SMYD3: variants seen among roughly 807,000 people sequenced by gnomAD.
The protein encoded by SMYD3 is SET and MYND domain containing 3.
SMYD3 carries 36 observed loss-of-function variants against 57.7 expected under a neutral mutation model. That is an observed-to-expected ratio of 0.62 (90% CI 0.48 to 0.82). The LOEUF (loss-of-function observed/expected upper bound fraction) is 0.82. SMYD3 is among the 40% of genes least tolerant of loss of function. The pLI is 0.00. For missense variants in SMYD3, 515 were observed against 538.8 expected (o/e 0.96, Z 0.44); for synonymous variants, 211 against 195.0 (o/e 1.08, Z -0.68).
At chr1:245,775,576 G>GAAGGCC (rs939841192) in intron 10 of SMYD3, among the ~76,000 whole-genome samples, 2 of 151,380 alleles carry the variant, frequency 1.3e-5, no homozygotes, top group African/African-American at 4.9e-5. Context: ...AAACACTGCG[G>GAAGGCC]AAGGCCGCAG....
chr1:246,364,750 T>C (rs1004915003), intron 1 of SMYD3, among the ~76,000 whole-genome samples: 2 of 152,176 alleles, frequency 1.3e-5, no homozygotes, highest in Non-Finnish European at 2.9e-5. Flanking sequence ...CACCCCCAAG[T>C]GCAGAACTCT....
chr1:246,125,510 T>C (rs12049042), intron 5 of SMYD3, among the ~76,000 whole-genome samples: 12,763 of 152,084 alleles, frequency 0.084, 1,101 homozygotes, highest in African/African-American at 0.21. Flanking sequence ...ATAGATAAAC[T>C]AAAGAGGAAT....
intron 7 of SMYD3, among the ~76,000 whole-genome samples, chr1:245,920,886 G>A (rs2055875802): frequency 6.6e-6 from 1 of 152,176 alleles, no homozygotes; most frequent in African/African-American, 2.4e-5. Context: ...CTTTCGGAAA[G>A]AACATATGAC....
At chr1:245,990,876 A>T (rs140851239) in intron 5 of SMYD3, among the ~76,000 whole-genome samples, 26 of 152,350 alleles carry the variant, frequency 1.7e-4, no homozygotes, top group Non-Finnish European at 3.5e-4. Flanking sequence ...ACAGAAAGTG[A>T]GTGCACTGAC....
intron 5 of SMYD3, chr1:246,321,588 C>T (rs908761418): frequency 6.6e-6 from 1 of 152,194 alleles, no homozygotes; most frequent in Non-Finnish European, 1.5e-5. Context: ...CAGTCTCAAA[C>T]TCCGGGGCTC....
At chr1:245,754,673 G>A (rs1018770680) in intron 11 of SMYD3, among the ~76,000 whole-genome samples, 1 of 152,196 alleles carries the variant, frequency 6.6e-6, no homozygotes, top group Non-Finnish European at 1.5e-5. Flanking sequence ...TCTACATCTT[G>A]GATAACTTCA....
intron 1 of SMYD3, among the ~76,000 whole-genome samples, chr1:246,427,779 A>T (rs1397688326): frequency 6.6e-6 from 1 of 152,098 alleles, no homozygotes; most frequent in Non-Finnish European, 1.5e-5. Flanking sequence ...GCTTGAGCCC[A>T]GGAGGTTGAG....
At chr1:246,063,332 TATTGGAGTTCA>T (rs373712343) in intron 5 of SMYD3, among the ~76,000 whole-genome samples, 44 of 152,254 alleles carry the variant, frequency 2.9e-4, no homozygotes, top group African/African-American at 1.0e-3. Context: ...CCAGGGTCTT[TATTGGAGTTCA>T]ATCGCCTGTA....
intron 10 of SMYD3, among the ~76,000 whole-genome samples, chr1:245,846,370 T>C (rs1340926235): frequency 6.6e-6 from 1 of 152,142 alleles, no homozygotes; most frequent in African/African-American, 2.4e-5. Flanking sequence ...TGTATTAAAA[T>C]TAGCATCACA....
chr1:246,066,447 AT>A (rs1011741183), intron 5 of SMYD3, among the ~76,000 whole-genome samples: 4 of 151,626 alleles, frequency 2.6e-5, no homozygotes, highest in South Asian at 2.1e-4. Context: ...TATTTTTCAA[AT>A]TTTTTTTTAC....
chr1:246,491,021 G>A (rs1409114547), intron 1 of SMYD3, among the ~76,000 whole-genome samples: 1 of 152,146 alleles, frequency 6.6e-6, no homozygotes, highest in East Asian at 1.9e-4. Flanking sequence ...GAAGAGGCAG[G>A]GTTCAAGATT....
intron 10 of SMYD3, among the ~76,000 whole-genome samples, chr1:245,802,291 G>A (rs1274343637): frequency 6.6e-6 from 1 of 152,176 alleles, no homozygotes; most frequent in East Asian, 1.9e-4. Context: ...CTCAGCAGGA[G>A]ACAACTGCTG....
At chr1:245,909,014 T>C (rs779667666) in intron 8 of SMYD3, among the ~76,000 whole-genome samples, 2 of 151,230 alleles carry the variant, frequency 1.3e-5, no homozygotes. Flanking sequence ...ATACAAAAGA[T>C]CAATGAAACA....
At chr1:246,017,583 ATGATGCTGAGTT>A (rs1407578799) in intron 5 of SMYD3, among the ~76,000 whole-genome samples, 1 of 152,184 alleles carries the variant, frequency 6.6e-6, no homozygotes, top group East Asian at 1.9e-4. Flanking sequence ...CATCACAGTC[ATGATGCTGAGTT>A]CTCATATCCT....
intron 11 of SMYD3, among the ~76,000 whole-genome samples, chr1:245,753,004 G>A (rs1206852870): frequency 2.6e-5 from 4 of 152,150 alleles, no homozygotes; most frequent in African/African-American, 7.2e-5. Context: ...AGGCTCTCCT[G>A]GACATGGCTG....
At chr1:245,814,928 G>C (rs1482005575) in intron 10 of SMYD3, among the ~76,000 whole-genome samples, 1 of 151,780 alleles carries the variant, frequency 6.6e-6, no homozygotes, top group Non-Finnish European at 1.5e-5. Flanking sequence ...AGGCTCCCAA[G>C]ACATCTTCCT....
intron 5 of SMYD3, among the ~76,000 whole-genome samples, chr1:246,127,906 G>GAAAAC (rs1352092888): frequency 2.0e-5 from 3 of 151,024 alleles, no homozygotes; most frequent in South Asian, 2.1e-4. Flanking sequence ...AAAAAGAAAA[G>GAAAAC]AAAAGAAAAG....
rs1480084642 is a variant in SMYD3, at chr1:245,769,469, T to G, written c.1077-5320A>C. Reference sequence around the variant, plus strand: ...TCAGCTGAATCTGGGGTACGGGAAATTCTACAAAAGCCCGGACCCGGGATC... The same window carrying G: ...TCAGCTGAATCTGGGGTACGGGAAAGTCTACAAAAGCCCGGACCCGGGATC... On this transcript the variant is annotated intron_variant, in intron 10 of 11. Transcript: ENST00000490107. Among the ~76,000 whole-genome samples the G allele has an allele frequency of 5.3e-5, 8 of 152,224 alleles. 1 individual carries two copies. In the East Asian group the frequency reaches 1.5e-3, roughly 29 times the overall value.
intron 5 of SMYD3, among the ~76,000 whole-genome samples, chr1:245,961,803 G>A (rs528291087): frequency 6.6e-6 from 1 of 152,302 alleles, no homozygotes; most frequent in South Asian, 2.1e-4. Flanking sequence ...TTTTGAGACT[G>A]AGAATGTAGG....
Sources: gnomAD v4.1 joint callset for allele counts (sites outside exome capture counted in the v4.1 genomes callset) on GRCh38, gnomAD v4.1.1 for gene constraint, MANE v1.5 for transcripts, NCBI Gene and HGNC (gene_info 2026-07-23, HGNC 2026-07-21) for gene names.